The following INTS6 variants were observed in gnomAD, a reference collection of about 807,000 sequenced individuals.
INTS6 encodes the protein DEAD box protein.
A neutral mutation model predicts 104.9 loss-of-function variants in INTS6; 16 were observed. That is an observed-to-expected ratio of 0.15 (90% CI 0.10 to 0.23). INTS6 has a LOEUF of 0.23. Ranked by LOEUF, INTS6 falls within the 10% of genes least tolerant of loss-of-function variation. The pLI is 1.00. For synonymous variants in INTS6, 324 were observed against 358.7 expected (o/e 0.90, Z 1.09); for missense variants, 584 against 1,062.8 (o/e 0.55, Z 6.26).
intron 7 of INTS6, 128 bp downstream of exon 7, chr13:51,387,258 G>C: frequency 1.4e-6 from 1 of 699,260 alleles, no homozygotes; most frequent in Non-Finnish European, 2.2e-6. Flanking sequence ...AAGTAACAGG[G>C]TATCATAGCA....
At chr13:51,372,305 G>GTT (rs35562726) in intron 15 of INTS6, among the ~76,000 whole-genome samples, 1,962 of 139,110 alleles carry the variant, frequency 0.014, 12 homozygotes, top group Non-Finnish European at 0.02. Flanking sequence ...TGATTGAACA[G>GTT]TTTTTTTTTT....
the INTS6 span, chr13:51,348,509 C>T: frequency 5.3e-6 from 5 of 934,838 alleles, no homozygotes; most frequent in Non-Finnish European, 8.1e-6. Flanking sequence ...CTGTGCTTAG[C>T]CACTGGGATG....
chr13:51,409,268 A>ATAG lies in INTS6; in HGVS notation c.430-13786_430-13785insCTA, dbSNP rs1179087550. On this transcript the variant is annotated intron_variant, in intron 4 of 17. Coordinates refer to ENST00000311234, the MANE Select transcript of INTS6 (RefSeq NM_012141.3). ...ACAGAGTGAGAATCCGTCTCAAATA[A>ATAG]TAATAATAATAATAATAATAATAAT... Among the ~76,000 whole-genome samples the ATAG allele has an allele frequency of 7.1e-5, 3 of 42,546 alleles. No homozygotes were observed. In the East Asian group the frequency reaches 1.9e-3, roughly 27 times the overall value. 27.9% of individuals were successfully genotyped at this position (42,546 alleles called of 152,430 possible). A position where few individuals can be genotyped will look rare whatever the true frequency, so the allele number is the denominator to read the frequency against.
At chr13:51,375,034 T>C (rs1593672184) in intron 13 of INTS6, among the ~76,000 whole-genome samples, 2 of 152,088 alleles carry the variant, frequency 1.3e-5, no homozygotes, top group South Asian at 2.1e-4. Flanking sequence ...CATACATACA[T>C]TGCCATTAAT....
intron 16 of INTS6, among the ~76,000 whole-genome samples, chr13:51,368,282 A>C (rs898559496): frequency 3.9e-5 from 6 of 152,094 alleles, no homozygotes; most frequent in African/African-American, 1.4e-4. Context: ...GGGGGTAAAA[A>C]CCAGACAGGT....
chr13:51,452,674 C>G lies in INTS6; in HGVS notation c.-149G>C, dbSNP rs912989855. 1.1e-5 allele frequency: 15 copies of G among 1,411,852 alleles called. No homozygotes were observed. Among genetic ancestry groups the G allele is most frequent in the Middle Eastern group, 2.6e-4 (1 of 3,846 alleles). The allele number at this position is 1,411,852 out of a possible 1,614,324, so 87.5% of individuals were successfully genotyped here. ...ACTGTCTGGGTCTTTCCTCCGGCTG[C>G]GGGGAGTTTCTCCCCCGATAGTTGA... On this transcript the variant is annotated 5_prime_UTR_variant, in exon 1 of 18. Coordinates refer to ENST00000311234, the MANE Select transcript of INTS6 (RefSeq NM_012141.3). This position sits in a 1 kb window ranked among gnomAD's most constrained non-coding sequence, Gnocchi z 4.2.
intron 3 of INTS6, among the ~76,000 whole-genome samples, chr13:51,356,461 G>A (rs1955483330): frequency 6.6e-6 from 1 of 152,166 alleles, no homozygotes; most frequent in South Asian, 2.1e-4. Flanking sequence ...CTCAGCCATG[G>A]CATCCCTGTT....
chr13:51,364,313 T>C lies in INTS6; in HGVS notation c.*1439A>G. The C allele has an allele frequency of 1.5e-6, 2 of 1,315,956 alleles. No individual in the cohort carries two copies. Among genetic ancestry groups the C allele is most frequent in the Non-Finnish European group, 2.1e-6 (2 of 963,590 alleles). 81.5% of individuals were successfully genotyped at this position (1,315,956 alleles called of 1,614,324 possible). A position where few individuals can be genotyped will look rare whatever the true frequency, so the allele number is the denominator to read the frequency against. On this transcript the variant is annotated 3_prime_UTR_variant, in exon 18 of 18. Transcript: ENST00000311234. ...TGTTCTCCACTTTCATCAATGCTTT[T>C]CTTCATAAAGTTATAATTTCATTTT...
At position 51,364,306 on chromosome 13, in the gene INTS6, A is replaced by G. The variant is rs945267670; in HGVS notation, c.*1446T>C. 1.9e-5 allele frequency: 26 copies of G among 1,354,962 alleles called. No homozygotes were observed. The highest frequency in any genetic ancestry group is 2.3e-5 in the Non-Finnish European group (23 of 997,448). The allele number at this position is 1,354,962 out of a possible 1,614,324, so 83.9% of individuals were successfully genotyped here. ...AAATGCATGTTCTCCACTTTCATCA[A>G]TGCTTTTCTTCATAAAGTTATAATT... is the stretch of plus-strand genomic sequence containing the variant. On this transcript the variant is annotated 3_prime_UTR_variant, in exon 18 of 18. Transcript: ENST00000311234.
At chr13:51,390,533 A>T (rs958940840) in intron 5 of INTS6, among the ~76,000 whole-genome samples, 7 of 152,004 alleles carry the variant, frequency 4.6e-5, no homozygotes, top group Non-Finnish European at 1.0e-4. Context: ...TCTTTGGCCA[A>T]ATATTTTGCA....
intron 11 of INTS6, 33 bp downstream of exon 11, chr13:51,379,429 T>C (rs746507809): frequency 1.5e-6 from 2 of 1,340,614 alleles, no homozygotes; most frequent in South Asian, 1.3e-5. Flanking sequence ...CCATTCAAAA[T>C]ACTTAATGGC....
chr13:51,344,301 C>A, the INTS6 span: 1 of 1,613,988 alleles, frequency 6.2e-7, no homozygotes, highest in South Asian at 1.1e-5. Flanking sequence ...CACTACCCAC[C>A]TCCAGCCAAG....
intron 9 of INTS6, 130 bp from the exon 10 acceptor site, chr13:51,382,253 A>G: frequency 2.1e-6 from 1 of 482,368 alleles, no homozygotes; most frequent in Non-Finnish European, 3.7e-6. Flanking sequence ...GTTTTTTAAC[A>G]TGAAAGTAAG....
intron 3 of INTS6, chr13:51,440,213 T>G (rs1952768961): frequency 6.6e-6 from 1 of 150,506 alleles, no homozygotes; most frequent in African/African-American, 2.4e-5. Context: ...ATCGAGCCAC[T>G]GCACTCCAGC....
intron 7 of INTS6, 135 bp downstream of exon 7, chr13:51,387,251 T>C: frequency 1.5e-6 from 1 of 649,932 alleles, no homozygotes; most frequent in Non-Finnish European, 2.4e-6. Flanking sequence ...ATAAAGCAAG[T>C]AACAGGGTAT....
At chr13:51,336,781 C>T in the INTS6 span, among the ~76,000 whole-genome samples, 1 of 152,214 alleles carries the variant, frequency 6.6e-6, no homozygotes, top group South Asian at 2.1e-4. Context: ...AAGCTCAGAG[C>T]AATTCAGTGA....
intron 16 of INTS6, 116 bp from the exon 17 acceptor site, chr13:51,368,014 T>C (rs1188550775): frequency 3.7e-6 from 2 of 534,484 alleles, no homozygotes; most frequent in Non-Finnish European, 3.2e-6. Flanking sequence ...ACATTCTACA[T>C]AAAAATTTCA....
chr13:51,343,926 C>T, the INTS6 span, among the ~76,000 whole-genome samples: 3 of 152,218 alleles, frequency 2.0e-5, no homozygotes, highest in Non-Finnish European at 2.9e-5. Context: ...CTCCAACACA[C>T]ATCAACCTTC....
chr13:51,418,928 T>C (rs1956845613), intron 4 of INTS6, among the ~76,000 whole-genome samples: 1 of 152,162 alleles, frequency 6.6e-6, no homozygotes, highest in Admixed American at 6.5e-5. Context: ...ATTTCCAACA[T>C]CTTAAAAAGA....
Sources: gnomAD v4.1 joint callset for allele counts (sites outside exome capture counted in the v4.1 genomes callset) on GRCh38, gnomAD v4.1.1 for gene constraint, Gnocchi (gnomAD v3.1) non-coding constraint, MANE v1.5 for transcripts, NCBI Gene and HGNC (gene_info 2026-07-23, HGNC 2026-07-21) for gene names.